VWF: variants seen among roughly 807,000 people sequenced by gnomAD.
VWF encodes the protein von Willebrand factor.
In VWF, 176 loss-of-function variants were observed where a neutral mutation model predicts 308.6. That is an observed-to-expected ratio of 0.57 (90% CI 0.50 to 0.65). The LOEUF is 0.65. Among genes scored for constraint, VWF ranks in the 30% least tolerant of loss-of-function variants. VWF has a pLI of 0.00. For missense variants in VWF, 3,146 were observed against 3,648.2 expected (o/e 0.86, Z 3.55); for synonymous variants, 1,385 against 1,443.4 (o/e 0.96, Z 0.92).
At chr12:6,114,549 A>C (rs1393347279) in intron 3 of VWF, among the ~76,000 whole-genome samples, 1 of 152,146 alleles carries the variant, frequency 6.6e-6, no homozygotes, top group Non-Finnish European at 1.5e-5. Context: ...TAACAGAGGA[A>C]CCTGTCCACA....
rs745945911 is a variant in VWF, at chr12:6,011,785, C to T, written c.5674G>A (p.Val1892Ile). 25 of 1,610,960 alleles carry T rather than the reference C, an allele frequency of 1.6e-5. No individual in the cohort carries two copies. The highest frequency in any genetic ancestry group is 5.5e-5 in the South Asian group (5 of 90,892). The change falls in exon 34 of 52, where the codon GTC becomes ATC. Residue 1892 changes from valine to isoleucine, a missense_variant. Physicochemically the swap from Val to Ile is conservative, Grantham distance 29. Around this residue, in one of 3 missense-constraint regions of VWF, gnomAD observed 853 missense variants for 1,177.8 expected, o/e 0.72. Coordinates refer to ENST00000261405, the MANE Select transcript of VWF (RefSeq NM_000552.5). ...TGGCACTGGTCTGGCAAGGTCCAGA[C>T]GTCCCCGGGCTGCAGAAGAAAACAG... ...EDGNEKRPGD[V>I]WTLPDQCHTV...
At chr12:6,039,325 G>A (rs999851557) in intron 18 of VWF, among the ~76,000 whole-genome samples, 2 of 152,208 alleles carry the variant, frequency 1.3e-5, no homozygotes, top group Non-Finnish European at 2.9e-5. Context: ...AAATTATAAA[G>A]TAGGAAAATA....
intron 1 of VWF, 43 bp from the exon 2 acceptor site, chr12:6,123,239 G>T: frequency 6.2e-7 from 1 of 1,612,498 alleles, no homozygotes; most frequent in Non-Finnish European, 8.5e-7. Context: ...TGCTGCCCAG[G>T]TAGGCGGCTG....
At chr12:6,083,527 G>A (rs933886939) in intron 6 of VWF, among the ~76,000 whole-genome samples, 1 of 152,106 alleles carries the variant, frequency 6.6e-6, no homozygotes, top group Non-Finnish European at 1.5e-5. Flanking sequence ...ATTGCACCAC[G>A]GCACTCCAGC....
chr12:6,069,338 G>C (rs1356878977), intron 10 of VWF, among the ~76,000 whole-genome samples: 1 of 152,100 alleles, frequency 6.6e-6, no homozygotes, highest in Non-Finnish European at 1.5e-5. Context: ...GCAGAGCCCA[G>C]AGCCCTTGAT....
intron 38 of VWF, among the ~76,000 whole-genome samples, chr12:5,989,661 C>T (rs956303184): frequency 2.6e-5 from 4 of 152,028 alleles, no homozygotes; most frequent in African/African-American, 7.2e-5. Flanking sequence ...GAAGATGAGG[C>T]GGGCAGTGAA....
chr12:6,040,295 G>A (rs1944383106), intron 18 of VWF, among the ~76,000 whole-genome samples: 1 of 152,120 alleles, frequency 6.6e-6, no homozygotes, highest in South Asian at 2.1e-4. Flanking sequence ...AAAAATACCT[G>A]GGAGATCTTC....
chr12:6,040,175 G>C lies in VWF; in HGVS notation c.2443-3684C>G, dbSNP rs1944382125. ...CCGCCGGACTCAGGAAGGGTGAGCAGGGCAGTGAGTTGTGCTTTGCTGTCA... is the reference window on the plus strand; with the variant it reads ...CCGCCGGACTCAGGAAGGGTGAGCACGGCAGTGAGTTGTGCTTTGCTGTCA... On this transcript the variant is annotated intron_variant, in intron 18 of 51. Coordinates refer to ENST00000261405, the MANE Select transcript of VWF (RefSeq NM_000552.5). 3.3e-5 allele frequency among the ~76,000 whole-genome samples: 5 copies of C among 152,158 alleles called. 1 individual carries two copies. The highest frequency in any genetic ancestry group is 3.3e-4 in the Admixed American group (5 of 15,268).
At chr12:6,115,862 A>T (rs990624967) in intron 3 of VWF, among the ~76,000 whole-genome samples, 1 of 152,090 alleles carries the variant, frequency 6.6e-6, no homozygotes, top group Non-Finnish European at 1.5e-5. Flanking sequence ...CAGGGGGAAA[A>T]CCACCCCGAC....
Position 6,019,786 on chromosome 12 carries a change from C to T in VWF, c.3675-43G>A, listed in dbSNP as rs1280694740. The T allele has an allele frequency of 2.9e-5, 46 of 1,568,082 alleles. No individual in the cohort carries two copies. The highest frequency in any genetic ancestry group is 3.9e-5 in the Non-Finnish European group (45 of 1,157,840). ...GAAATTAAAATGGTTCAGGAAGAAC[C>T]TGTGGACACTTCTGAGCCCTACAGT... On this transcript the variant is annotated intron_variant, in intron 27 of 51. Coordinates refer to ENST00000261405, the MANE Select transcript of VWF (RefSeq NM_000552.5). This position sits in a 1 kb window ranked among gnomAD's most constrained non-coding sequence, Gnocchi z 5.8.
chr12:6,077,058 C>T (rs1944852638), intron 6 of VWF, among the ~76,000 whole-genome samples: 1 of 152,220 alleles, frequency 6.6e-6, no homozygotes, highest in Admixed American at 6.5e-5. Context: ...ACTTGTAATC[C>T]CAGCACTTTG....
chr12:6,046,634 C>A lies in VWF; in HGVS notation c.2281+89G>T, dbSNP rs903046044. 7.7e-7 allele frequency: 1 copy of A among 1,300,310 alleles called. No homozygotes were observed. Among genetic ancestry groups the A allele is most frequent in the East Asian group, 2.3e-5 (1 of 43,276 alleles). 80.5% of individuals were successfully genotyped at this position (1,300,310 alleles called of 1,614,324 possible). On this transcript the variant is annotated intron_variant, in intron 17 of 51. Coordinates refer to ENST00000261405, the MANE Select transcript of VWF (RefSeq NM_000552.5). This position sits in a 1 kb window ranked among gnomAD's most constrained non-coding sequence, Gnocchi z 5.0. ...TGCCTGGGTGCACACGCACATCTGACGGTGTCACCCAGCTCTCTCCCGCCA... is the reference window on the plus strand; with the variant it reads ...TGCCTGGGTGCACACGCACATCTGAAGGTGTCACCCAGCTCTCTCCCGCCA...
intron 5 of VWF, among the ~76,000 whole-genome samples, chr12:6,101,299 T>C (rs1315412169): frequency 6.6e-6 from 1 of 152,076 alleles, no homozygotes; most frequent in Non-Finnish European, 1.5e-5. Context: ...CCATGGCCAG[T>C]TTCAAGCTAC....
At chr12:6,087,376 T>TTTA (rs1565384403) in intron 6 of VWF, among the ~76,000 whole-genome samples, 5 of 129,218 alleles carry the variant, frequency 3.9e-5, no homozygotes, top group African/African-American at 8.0e-5. Context: ...TTTTTTTTTT[T>TTTA]GAGACAGAGT....
At chr12:6,071,428 A>G in intron 9 of VWF, 85 bp from the exon 10 acceptor site, 1 of 1,472,788 alleles carries the variant, frequency 6.8e-7, no homozygotes, top group Non-Finnish European at 9.5e-7. Flanking sequence ...GGTAGTTATC[A>G]CAGTCCCCAA....
At chr12:6,051,982 A>G (rs1230342080) in intron 16 of VWF, among the ~76,000 whole-genome samples, 1 of 152,194 alleles carries the variant, frequency 6.6e-6, no homozygotes, top group Non-Finnish European at 1.5e-5. Context: ...GTGTTTGCTC[A>G]ACAAATGTCC....
At chr12:6,061,653 G>A (rs1048549371) in intron 13 of VWF, among the ~76,000 whole-genome samples, 1 of 152,166 alleles carries the variant, frequency 6.6e-6, no homozygotes, top group Admixed American at 6.5e-5. Flanking sequence ...GGAGGCAGGA[G>A]GAGGCTCTCC....
chr12:6,068,531 G>A (rs540631367), intron 10 of VWF, among the ~76,000 whole-genome samples: 51 of 151,938 alleles, frequency 3.4e-4, no homozygotes, highest in African/African-American at 1.2e-3. Flanking sequence ...GTGCAGTGGC[G>A]CCATCTCGGC....
rs550703538 is a variant in VWF at position 6,108,096 on chromosome 12, C to G, written c.532+2278G>C. On this transcript the variant is annotated intron_variant, in intron 5 of 51. Coordinates refer to ENST00000261405, the MANE Select transcript of VWF (RefSeq NM_000552.5). ...ATCACTTGAGGTCAGGAGTTCAAGA[C>G]TAGCCTGGCCAACATGCTGAAACCT... Among the ~76,000 whole-genome samples, 9 of 152,034 alleles carry G rather than the reference C, an allele frequency of 5.9e-5. No homozygotes were observed. In the East Asian group the frequency reaches 1.8e-3, roughly 30 times the overall value.
Sources: gnomAD v4.1 joint callset for allele counts (sites outside exome capture counted in the v4.1 genomes callset) on GRCh38, gnomAD v4.1.1 for gene constraint, gnomAD v4.1.1 regional missense constraint, Gnocchi (gnomAD v3.1) non-coding constraint, MANE v1.5 for transcripts, NCBI Gene and HGNC (gene_info 2026-07-23, HGNC 2026-07-21) for gene names.